Variants in PHTF2 observed in about 807,000 individuals in gnomAD.
The protein encoded by PHTF2 is putative homeodomain transcription factor 2.
A neutral mutation model predicts 101.2 loss-of-function variants in PHTF2; 60 were observed. That is an observed-to-expected ratio of 0.59 (90% CI 0.48 to 0.73). PHTF2 has a LOEUF of 0.73. Among genes scored for constraint, PHTF2 ranks in the 30% least tolerant of loss-of-function variants. PHTF2 has a pLI of 0.00. For missense variants in PHTF2, 747 were observed against 908.7 expected (o/e 0.82, Z 2.29); for synonymous variants, 311 against 307.3 (o/e 1.01, Z -0.13).
At chr7:77,872,168 G>A (rs765239101) in intron 3 of PHTF2, among the ~76,000 whole-genome samples, 11 of 152,132 alleles carry the variant, frequency 7.2e-5, no homozygotes, top group Non-Finnish European at 1.3e-4. Flanking sequence ...GAGCCCATGC[G>A]TAACCTCCAT....
chr7:77,859,137 C>T (rs1442264309), intron 3 of PHTF2, among the ~76,000 whole-genome samples: 2 of 152,168 alleles, frequency 1.3e-5, no homozygotes, highest in South Asian at 4.1e-4. Context: ...TGTGTTCTCT[C>T]CTTTTCTTAT....
At position 77,920,257 on chromosome 7, in the gene PHTF2, T is replaced by A. The variant is rs563012048; in HGVS notation, c.777-22T>A. ...CAAAATAAGCTAAGTCCAAACATTC[T>A]TCTGCATATTTTAATTTTTAGATCA... On this transcript the variant is annotated intron_variant, in intron 9 of 19. Coordinates refer to ENST00000416283, the Ensembl canonical transcript of PHTF2. 39 of 1,357,384 alleles carry A rather than the reference T, an allele frequency of 2.9e-5. No homozygotes were observed. In the African/African-American group the frequency reaches 5.1e-4, roughly 18 times the overall value. The allele number at this position is 1,357,384 out of a possible 1,614,324, so 84.1% of individuals were successfully genotyped here.
At chr7:77,857,719 C>A (rs901652981) in intron 3 of PHTF2, among the ~76,000 whole-genome samples, 7 of 152,166 alleles carry the variant, frequency 4.6e-5, no homozygotes, top group Non-Finnish European at 1.0e-4. Flanking sequence ...TTTTAGAAAG[C>A]AGAGATTTGA....
chr7:77,854,036 T>G (rs1229168648), intron 2 of PHTF2, among the ~76,000 whole-genome samples: 1 of 152,152 alleles, frequency 6.6e-6, no homozygotes, highest in Non-Finnish European at 1.5e-5. Flanking sequence ...GAGTTAGGTA[T>G]TTATTGTATT....
At chr7:77,829,248 G>A (rs964971678) in intron 1 of PHTF2, among the ~76,000 whole-genome samples, 5 of 152,146 alleles carry the variant, frequency 3.3e-5, no homozygotes, top group African/African-American at 4.8e-5. Flanking sequence ...CTTTTATTTA[G>A]TACGGGTATA....
At chr7:77,912,710 CTTTTTTTTTTTTTTTTTTTTTT>C (rs536966733) in intron 9 of PHTF2, among the ~76,000 whole-genome samples, 11,697 of 80,432 alleles carry the variant, frequency 0.15, 791 homozygotes, top group African/African-American at 0.29. Context: ...AGAGAACCAC[CTTTTTTTTTTTTTTTTTTTTTT>C]TTTTTTTTTT....
At chr7:77,843,601 A>G (rs1469689857) in intron 2 of PHTF2, among the ~76,000 whole-genome samples, 3 of 152,234 alleles carry the variant, frequency 2.0e-5, no homozygotes, top group Admixed American at 6.5e-5. Flanking sequence ...TTTGTACTTC[A>G]GTGAAATGAA....
intron 13 of PHTF2, among the ~76,000 whole-genome samples, chr7:77,938,896 T>C (rs1361143689): frequency 1.3e-5 from 2 of 152,248 alleles, no homozygotes; most frequent in Non-Finnish European, 2.9e-5. Context: ...TTCTCCACAC[T>C]TTGTGTAAGA....
chr7:77,929,027 C>T (rs1228004814), intron 11 of PHTF2, 82 bp from the exon 11 acceptor site: 2 of 945,824 alleles, frequency 2.1e-6, no homozygotes, highest in Non-Finnish European at 3.2e-6. Flanking sequence ...CAAAAAGTAT[C>T]AATATATGGG....
exon 20 of PHTF2, chr7:77,955,795 C>G (rs1806959025): frequency 6.6e-6 from 1 of 152,336 alleles, no homozygotes; most frequent in Non-Finnish European, 1.5e-5. Flanking sequence ...CTATTCATAC[C>G]ACACTGAAAT....
At chr7:77,837,868 A>G (rs1795586345) in intron 1 of PHTF2, among the ~76,000 whole-genome samples, 1 of 152,104 alleles carries the variant, frequency 6.6e-6, no homozygotes, top group Admixed American at 6.5e-5. Flanking sequence ...GATATGTTTA[A>G]TAGAGTGATA....
At chr7:77,943,369 T>C (rs78345200) in intron 16 of PHTF2, among the ~76,000 whole-genome samples, 2 of 152,126 alleles carry the variant, frequency 1.3e-5, no homozygotes, top group Admixed American at 6.5e-5. Context: ...CCTCGTGATC[T>C]GCCCGCCTCG....
At chr7:77,916,730 A>G (rs537616415) in intron 9 of PHTF2, among the ~76,000 whole-genome samples, 1 of 152,224 alleles carries the variant, frequency 6.6e-6, no homozygotes, top group East Asian at 1.9e-4. Flanking sequence ...ACACATGCAT[A>G]TCCTCTCATT....
intron 3 of PHTF2, among the ~76,000 whole-genome samples, chr7:77,860,385 T>A (rs1282695347): frequency 6.6e-6 from 1 of 152,238 alleles, no homozygotes; most frequent in African/African-American, 2.4e-5. Context: ...TATTTGGGGC[T>A]AATTATACAC....
At chr7:77,936,542 TG>T (rs1161314202) in intron 12 of PHTF2, among the ~76,000 whole-genome samples, 1 of 151,522 alleles carries the variant, frequency 6.6e-6, no homozygotes, top group Admixed American at 6.6e-5. Flanking sequence ...GGCGTGGTGG[TG>T]GGCGCCTATA....
At chr7:77,867,922 G>A (rs1347270242) in intron 3 of PHTF2, among the ~76,000 whole-genome samples, 2 of 152,082 alleles carry the variant, frequency 1.3e-5, no homozygotes, top group African/African-American at 2.4e-5. Context: ...TACAAAGTTG[G>A]CAGAACTTTA....
intron 3 of PHTF2, among the ~76,000 whole-genome samples, chr7:77,865,110 A>G (rs1209935173): frequency 6.6e-6 from 1 of 152,160 alleles, no homozygotes; most frequent in Non-Finnish European, 1.5e-5. Flanking sequence ...GAGACAGGGA[A>G]AGCTACAGAG....
At chr7:77,806,825 G>C (rs1413487128) in intron 1 of PHTF2, among the ~76,000 whole-genome samples, 2 of 151,680 alleles carry the variant, frequency 1.3e-5, no homozygotes, top group African/African-American at 4.8e-5. Context: ...TTTGTTTGTA[G>C]TAGCTAGTAT....
intron 1 of PHTF2, among the ~76,000 whole-genome samples, chr7:77,800,149 C>T (rs573663571): frequency 1.3e-5 from 2 of 152,274 alleles, no homozygotes; most frequent in East Asian, 1.9e-4. Flanking sequence ...GGAAACTGCA[C>T]ACTTTAGCCT....
Sources: gnomAD v4.1 joint callset for allele counts (sites outside exome capture counted in the v4.1 genomes callset) on GRCh38, gnomAD v4.1.1 for gene constraint, MANE v1.5 for transcripts, NCBI Gene and HGNC (gene_info 2026-07-23, HGNC 2026-07-21) for gene names.